Variants in CALN1 observed in about 807,000 individuals in gnomAD.
CALN1 encodes the protein calcium-binding protein 8.
CALN1 carries 17 observed loss-of-function variants against 30.6 expected under a neutral mutation model. The observed-to-expected ratio is 0.56, with a 90% CI of 0.38 to 0.83. The LOEUF (loss-of-function observed/expected upper bound fraction) is 0.83. Among genes scored for constraint, CALN1 ranks in the 40% least tolerant of loss-of-function variants. CALN1 has a pLI of 0.00. For synonymous variants in CALN1, 156 were observed against 131.4 expected (o/e 1.19, Z -1.28); for missense variants, 291 against 354.9 (o/e 0.82, Z 1.45).
At chr7:71,920,213 T>A (rs1794869208) in intron 5 of CALN1, among the ~76,000 whole-genome samples, 1 of 152,176 alleles carries the variant, frequency 6.6e-6, no homozygotes, top group Non-Finnish European at 1.5e-5. Flanking sequence ...GCTCTTTAGA[T>A]GCACCTGTAC....
intron 3 of CALN1, among the ~76,000 whole-genome samples, chr7:72,239,924 C>A (rs1380568064): frequency 1.3e-5 from 2 of 152,162 alleles, no homozygotes; most frequent in Non-Finnish European, 2.9e-5. Flanking sequence ...GCAGAGACAA[C>A]ACAAGCCAAG....
rs150249519 is a variant in CALN1, at chr7:72,157,910, A to G, written c.245-51616T>C. ...AGGCACCCGCCACCATGCCTGGCTA[A>G]TATTTTTTATGTTTAATAGAGACAG... On this transcript the variant is annotated intron_variant, in intron 3 of 6. Coordinates refer to ENST00000395275, the MANE Select transcript of CALN1 (RefSeq NM_031468.4). 5.9e-4 allele frequency among the ~76,000 whole-genome samples: 90 copies of G among 152,200 alleles called. 3 individuals are homozygous for G. The East Asian group carries it at 0.017, about 28-fold the overall frequency.
At chr7:72,266,362 T>C (rs543364323) in intron 3 of CALN1, among the ~76,000 whole-genome samples, 7 of 152,172 alleles carry the variant, frequency 4.6e-5, no homozygotes, top group Non-Finnish European at 1.0e-4. Flanking sequence ...AATTTGAATA[T>C]GGGGCAAAGA....
intron 5 of CALN1, among the ~76,000 whole-genome samples, chr7:71,847,904 A>G (rs1235341415): frequency 6.6e-6 from 1 of 152,112 alleles, no homozygotes; most frequent in Non-Finnish European, 1.5e-5. Flanking sequence ...CTGTCTTGCC[A>G]CCACCATGTA....
rs536529607 is a variant in CALN1 at position 72,111,037 on chromosome 7, T to G, written c.245-4743A>C. On this transcript the variant is annotated intron_variant, in intron 3 of 6. Coordinates refer to ENST00000395275, the MANE Select transcript of CALN1 (RefSeq NM_031468.4). ...ATGTTGTGTGCTTTTCACCGAAACG[T>G]ACTCCTTCTTTGGCCTAAAGTCTCT... Among the ~76,000 whole-genome samples the G allele has an allele frequency of 4.6e-5, 7 of 152,326 alleles. 1 individual carries two copies. The South Asian group carries it at 1.5e-3, about 32-fold the overall frequency.
At chr7:72,483,341 G>C in the CALN1 span, among the ~76,000 whole-genome samples, 1 of 145,260 alleles carries the variant, frequency 6.9e-6, no homozygotes, top group Non-Finnish European at 1.5e-5. Context: ...CTAGAGTGCA[G>C]TGGCACGATC....
chr7:72,004,917 C>G (rs1041258848), intron 5 of CALN1, among the ~76,000 whole-genome samples: 1 of 152,150 alleles, frequency 6.6e-6, no homozygotes, highest in Admixed American at 6.5e-5. Context: ...GATTAGCCAT[C>G]AGAGAAATGC....
At chr7:72,469,298 G>T in the CALN1 span, among the ~76,000 whole-genome samples, 1 of 152,172 alleles carries the variant, frequency 6.6e-6, no homozygotes. Context: ...ATATCCAGCT[G>T]TCCCAGTACC....
At chr7:72,383,623 A>C (rs1406618200) in intron 2 of CALN1, among the ~76,000 whole-genome samples, 2 of 152,170 alleles carry the variant, frequency 1.3e-5, no homozygotes, top group African/African-American at 4.8e-5. Context: ...TGGTCCTTGT[A>C]TAACTACAAG....
intron 2 of CALN1, among the ~76,000 whole-genome samples, chr7:72,319,914 C>A (rs558665841): frequency 6.6e-6 from 1 of 151,996 alleles, no homozygotes; most frequent in East Asian, 1.9e-4. Flanking sequence ...GTACACTATT[C>A]GGGCGATGGT....
At chr7:72,397,119 C>G (rs1255232807) in intron 2 of CALN1, among the ~76,000 whole-genome samples, 1 of 152,058 alleles carries the variant, frequency 6.6e-6, no homozygotes, top group Non-Finnish European at 1.5e-5. Flanking sequence ...CTATGTTGCC[C>G]AGGCTGGTCT....
At chr7:71,912,344 C>T (rs1409343936) in intron 5 of CALN1, among the ~76,000 whole-genome samples, 1 of 152,026 alleles carries the variant, frequency 6.6e-6, no homozygotes, top group African/African-American at 2.4e-5. Context: ...CAGTGCCCTG[C>T]CAAACCAAAG....
intron 4 of CALN1, among the ~76,000 whole-genome samples, chr7:72,095,013 T>TTGAA (rs1806121574): frequency 6.6e-6 from 1 of 152,104 alleles, no homozygotes; most frequent in South Asian, 2.1e-4. Context: ...GTGTGTGTGT[T>TTGAA]TTTCAGAGTT....
intron 2 of CALN1, among the ~76,000 whole-genome samples, chr7:72,363,524 C>T (rs933565344): frequency 1.3e-5 from 2 of 151,984 alleles, no homozygotes; most frequent in Non-Finnish European, 2.9e-5. Context: ...CAGGTGTGAG[C>T]CACTGCACCT....
chr7:71,935,294 A>T (rs1002736450), intron 5 of CALN1, among the ~76,000 whole-genome samples: 1 of 152,216 alleles, frequency 6.6e-6, no homozygotes, highest in East Asian at 1.9e-4. Context: ...GACAGCAAGC[A>T]GGGTGCAGGA....
the CALN1 span, among the ~76,000 whole-genome samples, chr7:72,480,720 T>A: frequency 6.6e-6 from 1 of 152,176 alleles, no homozygotes; most frequent in Non-Finnish European, 1.5e-5. Flanking sequence ...GACATAGGGT[T>A]TTTCAGATTA....
chr7:72,269,972 G>C lies in CALN1; in HGVS notation c.244+8714C>G, dbSNP rs188343140. ...AAACTATTGTCTTAATGATTAATCA[G>C]AGAATTAAAGAAAACTATTGTCTTA... is the stretch of plus-strand genomic sequence containing the variant. On this transcript the variant is annotated intron_variant, in intron 3 of 6. Coordinates refer to ENST00000395275, the MANE Select transcript of CALN1 (RefSeq NM_031468.4). 2.0e-5 allele frequency among the ~76,000 whole-genome samples: 3 copies of C among 152,202 alleles called. No individual in the cohort carries two copies. In the East Asian group the frequency reaches 5.8e-4, roughly 29 times the overall value.
intron 5 of CALN1, among the ~76,000 whole-genome samples, chr7:71,968,219 G>A (rs966435588): frequency 2.6e-5 from 4 of 152,194 alleles, no homozygotes; most frequent in South Asian, 2.1e-4. Flanking sequence ...AAACAGACTC[G>A]TAATACACAC....
At chr7:72,415,083 G>A (rs927278557), upstream of CALN1, among the ~76,000 whole-genome samples, 1 of 152,206 alleles carries the variant, frequency 6.6e-6, no homozygotes, top group African/African-American at 2.4e-5. Context: ...GTCCTCCCTA[G>A]AACCTGACCA....
Sources: allele counts gnomAD v4.1 joint callset (sites outside exome capture counted in the v4.1 genomes callset), GRCh38; gene constraint gnomAD v4.1.1; transcripts MANE v1.5; gene names NCBI Gene and HGNC (gene_info 2026-07-23, HGNC 2026-07-21).